Variants in CELF4 observed in about 807,000 individuals in gnomAD.
CELF4 encodes the protein CUGBP Elav-like family member 4, also known as CUG-BP- and ETR-3-like factor 4.
A neutral mutation model predicts 59.9 loss-of-function variants in CELF4; 18 were observed. The observed-to-expected ratio is 0.30, with a 90% CI of 0.21 to 0.45. CELF4 has a LOEUF of 0.45. Among genes scored for constraint, CELF4 ranks in the 20% least tolerant of loss-of-function variants. CELF4 has a pLI of 1.00. For synonymous variants in CELF4, 261 were observed against 267.1 expected, an observed-to-expected ratio of 0.98 and a Z score of 0.22; for missense variants, 456 against 689.0, an observed-to-expected ratio of 0.66 and a Z score of 3.79.
At chr18:37,433,241 C>A (rs1462134113) in intron 2 of CELF4, among the ~76,000 whole-genome samples, 1 of 152,180 alleles carries the variant, frequency 6.6e-6, no homozygotes, top group East Asian at 1.9e-4. Context: ...TTGGGCCCAC[C>A]CCTTTTTTTG....
chr18:37,432,003 G>A (rs2099670012), intron 2 of CELF4, among the ~76,000 whole-genome samples: 1 of 152,244 alleles, frequency 6.6e-6, no homozygotes. Context: ...TCCACTGATT[G>A]CAAGGAGTGT....
chr18:37,555,046 G>A (rs2099984355), intron 1 of CELF4, among the ~76,000 whole-genome samples: 1 of 152,178 alleles, frequency 6.6e-6, no homozygotes, highest in Non-Finnish European at 1.5e-5. Flanking sequence ...CACAGTGATT[G>A]ATATGATTGG....
intron 2 of CELF4, among the ~76,000 whole-genome samples, chr18:37,415,133 T>G: frequency 6.6e-6 from 1 of 151,906 alleles, no homozygotes; most frequent in African/African-American, 2.4e-5. Context: ...TCAGGAAAGG[T>G]TTCATGAAGC....
chr18:37,517,535 T>C (rs1369662382), intron 1 of CELF4, among the ~76,000 whole-genome samples: 2 of 152,166 alleles, frequency 1.3e-5, no homozygotes, highest in Admixed American at 1.3e-4. Context: ...GTTTTAGCAC[T>C]GAAAGTCATA....
chr18:37,347,908 C>A (rs569638859), intron 2 of CELF4, among the ~76,000 whole-genome samples: 10 of 152,248 alleles, frequency 6.6e-5, no homozygotes, highest in Middle Eastern at 3.4e-3. Flanking sequence ...GAGGGCTCCC[C>A]TTTATTTTCT....
At chr18:37,466,847 G>A (rs2099810313) in intron 2 of CELF4, among the ~76,000 whole-genome samples, 1 of 152,158 alleles carries the variant, frequency 6.6e-6, no homozygotes, top group Admixed American at 6.5e-5. Flanking sequence ...AGCTGAGTTT[G>A]GAATGCTGGC....
chr18:37,276,804 G>C (rs1325255021), intron 3 of CELF4, among the ~76,000 whole-genome samples: 1 of 152,148 alleles, frequency 6.6e-6, no homozygotes, highest in African/African-American at 2.4e-5. Context: ...GAGTCCCAGG[G>C]GTGGCTGCAC....
intron 2 of CELF4, among the ~76,000 whole-genome samples, chr18:37,354,646 G>A (rs999077822): frequency 6.6e-6 from 1 of 152,210 alleles, no homozygotes; most frequent in Non-Finnish European, 1.5e-5. Flanking sequence ...GTTGGCTTCT[G>A]CTCCCCTGAC....
At chr18:37,546,977 C>T (rs2099981606) in intron 1 of CELF4, among the ~76,000 whole-genome samples, 2 of 152,172 alleles carry the variant, frequency 1.3e-5, no homozygotes, top group African/African-American at 4.8e-5. Context: ...AAGGCTGCCC[C>T]ATCATCCCGG....
intron 2 of CELF4, among the ~76,000 whole-genome samples, chr18:37,409,650 C>T (rs1233178482): frequency 4.0e-5 from 6 of 151,430 alleles, no homozygotes; most frequent in East Asian, 1.9e-4. Flanking sequence ...GAGACCCTGG[C>T]GGGGGGTGAA....
chr18:37,349,394 C>T (rs2098388392), intron 2 of CELF4, among the ~76,000 whole-genome samples: 2 of 152,210 alleles, frequency 1.3e-5, no homozygotes, highest in South Asian at 2.1e-4. Flanking sequence ...AGATGCGATG[C>T]CTTCCCTACC....
At chr18:37,487,499 G>T (rs957598629) in intron 1 of CELF4, among the ~76,000 whole-genome samples, 47 of 152,054 alleles carry the variant, frequency 3.1e-4, no homozygotes, top group African/African-American at 1.1e-3. Flanking sequence ...TCCCTCTCCC[G>T]TCCTCCTCCC....
At chr18:37,397,896 C>T (rs1024114689) in intron 2 of CELF4, among the ~76,000 whole-genome samples, 3 of 152,120 alleles carry the variant, frequency 2.0e-5, no homozygotes, top group African/African-American at 4.8e-5. Flanking sequence ...CAAGGGGGTG[C>T]GGATCCTTGG....
chr18:37,433,373 C>T (rs1303868193), intron 2 of CELF4, among the ~76,000 whole-genome samples: 2 of 152,130 alleles, frequency 1.3e-5, no homozygotes, highest in African/African-American at 2.4e-5. Flanking sequence ...CAATACAATG[C>T]AGCAGTTGAT....
intron 2 of CELF4, among the ~76,000 whole-genome samples, chr18:37,445,395 G>A (rs79562265): frequency 0.019 from 2,833 of 152,078 alleles, 44 homozygotes; most frequent in Non-Finnish European, 0.025. Flanking sequence ...TTGGGTTTGG[G>A]GTCTGCTGCT....
intron 1 of CELF4, among the ~76,000 whole-genome samples, chr18:37,523,502 C>A (rs758935171): frequency 6.6e-6 from 1 of 152,170 alleles, no homozygotes; most frequent in African/African-American, 2.4e-5. Flanking sequence ...TTGGTGACCC[C>A]GGCTGGGGAG....
chr18:37,470,885 T>TGAGAGA (rs1569569558), intron 2 of CELF4, among the ~76,000 whole-genome samples: 7 of 79,654 alleles, frequency 8.8e-5, no homozygotes, highest in East Asian at 4.7e-4. Flanking sequence ...TGTGTGTGTG[T>TGAGAGA]GTGACAGAGA....
chr18:37,324,235 G>A (rs529024696), intron 2 of CELF4, among the ~76,000 whole-genome samples: 8 of 152,202 alleles, frequency 5.3e-5, no homozygotes, highest in African/African-American at 7.2e-5. Context: ...AGTGTGTCCC[G>A]CCAAAATTCA....
intron 3 of CELF4, among the ~76,000 whole-genome samples, chr18:37,302,189 C>A (rs2096091624): frequency 6.6e-6 from 1 of 152,196 alleles, no homozygotes; most frequent in Admixed American, 6.5e-5. Flanking sequence ...CCCTTCCTGG[C>A]ACAGGTGGAT....
Sources: gnomAD v4.1 joint callset for allele counts (sites outside exome capture counted in the v4.1 genomes callset) on GRCh38, gnomAD v4.1.1 for gene constraint, MANE v1.5 for transcripts, NCBI Gene and HGNC (gene_info 2026-07-23, HGNC 2026-07-21) for gene names.